The following AP1G1 variants were observed in gnomAD, a reference collection of about 807,000 sequenced individuals.
AP1G1 encodes the protein adaptor related protein complex 1 subunit gamma 1, also known as AP-1 complex subunit gamma-1.
Under a neutral mutation model 108.3 loss-of-function variants are expected in AP1G1, and 7 were observed. That is an observed-to-expected ratio of 0.06 (90% CI 0.04 to 0.12). AP1G1 has a LOEUF of 0.12. AP1G1 is among the 10% of genes least tolerant of loss of function. AP1G1 has a pLI of 1.00. For missense variants in AP1G1, 756 were observed against 1,010.7 expected, an observed-to-expected ratio of 0.75 and a Z score of 3.42; for synonymous variants, 379 against 353.5, an observed-to-expected ratio of 1.07 and a Z score of -0.81.
chr16:71,778,959 T>C (rs1026819334), intron 2 of AP1G1, among the ~76,000 whole-genome samples: 25 of 152,214 alleles, frequency 1.6e-4, no homozygotes, highest in Non-Finnish European at 1.2e-4. Context: ...ACTACTCCAC[T>C]TAAAGCGACT....
At chr16:71,745,335 A>C in intron 18 of AP1G1, 65 bp from the exon 19 acceptor site, 1 of 1,602,154 alleles carries the variant, frequency 6.2e-7, no homozygotes, top group Non-Finnish European at 8.5e-7. Context: ...TCTAATGCAA[A>C]GCTCTTTCAA....
intron 1 of AP1G1, among the ~76,000 whole-genome samples, chr16:71,798,587 T>A (rs1213933609): frequency 6.6e-6 from 1 of 151,588 alleles, no homozygotes; most frequent in African/African-American, 2.4e-5. Flanking sequence ...TAAATAAGAT[T>A]AAAAGATAAA....
At chr16:71,753,591 G>A (rs140953100) in intron 13 of AP1G1, 261 of 491,718 alleles carry the variant, frequency 5.3e-4, no homozygotes, top group Admixed American at 8.0e-4. Context: ...TCCTCTGAGA[G>A]ACCTCCCTGA....
intron 2 of AP1G1, among the ~76,000 whole-genome samples, chr16:71,786,265 T>C (rs999191461): frequency 2.0e-5 from 3 of 152,124 alleles, no homozygotes; most frequent in Admixed American, 6.6e-5. Context: ...TTAGAAAATA[T>C]AGAGAGATTT....
chr16:71,801,296 C>CA (rs571974218), intron 1 of AP1G1, among the ~76,000 whole-genome samples: 120 of 124,908 alleles, frequency 9.6e-4, no homozygotes, highest in African/African-American at 1.9e-3. Flanking sequence ...AACAAACAAA[C>CA]AAAAAAAAAG....
intron 21 of AP1G1, 115 bp from the exon 22 acceptor site, chr16:71,734,822 C>CTAAGT: frequency 1.3e-6 from 1 of 792,396 alleles, no homozygotes; most frequent in Non-Finnish European, 2.1e-6. Flanking sequence ...TTCACTACTA[C>CTAAGT]TAAGTTTTGC....
At chr16:71,774,323 C>A (rs113838137) in intron 3 of AP1G1, 145 bp downstream of exon 3, 56 of 763,754 alleles carry the variant, frequency 7.3e-5, no homozygotes, top group African/African-American at 6.1e-4. Context: ...TGGGGGAGGA[C>A]GGTGGCAGCG....
intron 1 of AP1G1, among the ~76,000 whole-genome samples, chr16:71,799,750 T>C (rs553082408): frequency 2.7e-5 from 4 of 150,614 alleles, no homozygotes; most frequent in Non-Finnish European, 5.9e-5. Flanking sequence ...ATACAGAAAA[T>C]TAGCGGGGTG....
chr16:71,752,845 ATTTC>A (rs1380502135), intron 13 of AP1G1, among the ~76,000 whole-genome samples: 2 of 152,160 alleles, frequency 1.3e-5, no homozygotes, highest in Non-Finnish European at 2.9e-5. Context: ...ATTTTACTTT[ATTTC>A]TTTAATAAGA....
chr16:71,733,606 T>A (rs1269716560), intron 22 of AP1G1, among the ~76,000 whole-genome samples: 1 of 151,630 alleles, frequency 6.6e-6, no homozygotes, highest in Non-Finnish European at 1.5e-5. Flanking sequence ...CCTCAGATAA[T>A]ACACCCACCT....
chr16:71,808,297 C>T, intron 1 of AP1G1: 1 of 830,836 alleles, frequency 1.2e-6, no homozygotes, highest in Non-Finnish European at 1.6e-6. Flanking sequence ...GAGGACGGCA[C>T]TGCAGGGGCA....
At chr16:71,767,951 G>T in intron 6 of AP1G1, 1 of 1,527,004 alleles carries the variant, frequency 6.5e-7, no homozygotes, top group Admixed American at 1.7e-5. Flanking sequence ...ATTAGGGACA[G>T]ATACGGGTCT....
chr16:71,768,004 G>A, intron 6 of AP1G1: 2 of 1,200,434 alleles, frequency 1.7e-6, no homozygotes, highest in Non-Finnish European at 2.4e-6. Context: ...GAACATCTAA[G>A]GGAAAAAAAG....
At chr16:71,733,207 C>T in intron 22 of AP1G1, 48 bp from the exon 23 acceptor site, 2 of 1,439,392 alleles carry the variant, frequency 1.4e-6, no homozygotes, top group Non-Finnish European at 1.9e-6. Flanking sequence ...AATGAAATCT[C>T]CAGAATCTGT....
rs1158516544 is a variant in AP1G1 at position 71,758,984 on chromosome 16, T to C, written c.975-63A>G. The C allele has an allele frequency of 9.8e-6, 9 of 916,454 alleles. No individual in the cohort carries two copies. In the East Asian group the frequency reaches 1.3e-4, roughly 13 times the overall value. 56.8% of individuals were successfully genotyped at this position (916,454 alleles called of 1,614,324 possible). A position where few individuals can be genotyped will look rare whatever the true frequency, so the allele number is the denominator to read the frequency against. On this transcript the variant is annotated intron_variant, in intron 10 of 22. Transcript: ENST00000299980. ...TAAAATTCAGGATAGTTTTTCTCCG[T>C]TTAAATAATAAAAAGAAAGACGTCT... is the stretch of plus-strand genomic sequence containing the variant.
intron 1 of AP1G1, among the ~76,000 whole-genome samples, chr16:71,803,809 C>T (rs1283801922): frequency 6.6e-6 from 1 of 151,170 alleles, no homozygotes; most frequent in Non-Finnish European, 1.5e-5. Flanking sequence ...CCTGTAGTCC[C>T]AGCTACTCGG....
At chr16:71,775,019 CTTTTTTTTT>C (rs748508767) in intron 2 of AP1G1, among the ~76,000 whole-genome samples, 2 of 69,724 alleles carry the variant, frequency 2.9e-5, no homozygotes, top group African/African-American at 1.3e-4. Context: ...CCGCGCCTGG[CTTTTTTTTT>C]TTTTTTTTTT....
At chr16:71,746,549 G>A (rs777380797) in intron 17 of AP1G1, 39 bp downstream of exon 17, 17 of 1,256,138 alleles carry the variant, frequency 1.4e-5, no homozygotes, top group South Asian at 1.3e-4. Flanking sequence ...TAGTCAGGAT[G>A]CTAAGAGATA....
At chr16:71,769,795 T>C (rs1567653165) in intron 5 of AP1G1, 96 bp from the exon 6 acceptor site, 2 of 1,002,904 alleles carry the variant, frequency 2.0e-6, no homozygotes, top group Non-Finnish European at 3.0e-6. Context: ...TCCAAAAGGA[T>C]AGTTGCTACT....
Sources: gnomAD v4.1 joint callset for allele counts (sites outside exome capture counted in the v4.1 genomes callset) on GRCh38, gnomAD v4.1.1 for gene constraint, MANE v1.5 for transcripts, NCBI Gene and HGNC (gene_info 2026-07-23, HGNC 2026-07-21) for gene names.